The following KMT2C variants were observed in gnomAD, a reference collection of about 807,000 sequenced individuals.
The protein encoded by KMT2C is histone-lysine N-methyltransferase 2C.
Under a neutral mutation model 507.9 loss-of-function variants are expected in KMT2C, and 88 were observed. The ratio of observed to expected loss-of-function variants is 0.17; its 90% confidence interval spans 0.15 to 0.21. The LOEUF (loss-of-function observed/expected upper bound fraction) is 0.21. KMT2C is among the 10% of genes least tolerant of loss of function. The probability of loss-of-function intolerance (pLI) is 1.00; values close to 1 mark genes in which losing one functional copy is unlikely to be tolerated. For missense variants in KMT2C, 4,954 were observed against 5,957.8 expected (o/e 0.83, Z 5.55); for synonymous variants, 2,049 against 2,080.8 (o/e 0.98, Z 0.42).
chr7:152,208,485 T>C (rs1331235826), intron 23 of KMT2C, among the ~76,000 whole-genome samples: 1 of 152,208 alleles, frequency 6.6e-6, no homozygotes, highest in Non-Finnish European at 1.5e-5. Flanking sequence ...ATATTCTCCA[T>C]GAGAACAGGT....
rs1398617617 is a variant in KMT2C, at chr7:152,435,764, C to G, written c.23G>C (p.Ser8Thr). MSSEEDK[S>T]VEQPQPPPPP... Reference sequence around the variant, plus strand: ...TGGCGGCGGCTGCGGCTGCTCCACGCTCTTGTCCTCCTCCGACGACATCCT... The same window carrying G: ...TGGCGGCGGCTGCGGCTGCTCCACGGTCTTGTCCTCCTCCGACGACATCCT... Residue 8 changes from serine (S) to threonine (T), a missense_variant, in exon 1 of 59, where the codon AGC becomes ACC. By Grantham distance (58) the Ser-to-Thr change is moderately conservative. This residue lies in a region of KMT2C where 51 missense variants were observed against 43.5 expected (regional missense o/e 1.17). Transcript: ENST00000262189. The G allele has an allele frequency of 2.7e-6, 4 of 1,476,106 alleles. No homozygotes were observed. The African/African-American group carries it at 5.9e-5, about 22-fold the overall frequency. 91.4% of individuals were successfully genotyped at this position (1,476,106 alleles called of 1,614,324 possible). A position where few individuals can be genotyped will look rare whatever the true frequency, so the allele number is the denominator to read the frequency against.
chr7:152,210,466 C>T (rs1029262190), intron 23 of KMT2C, among the ~76,000 whole-genome samples: 4 of 152,154 alleles, frequency 2.6e-5, no homozygotes, highest in African/African-American at 9.7e-5. Flanking sequence ...GTCCAACCTG[C>T]AGCCAAGATG....
At chr7:152,376,761 T>A (rs568686538) in intron 1 of KMT2C, among the ~76,000 whole-genome samples, 208 of 152,392 alleles carry the variant, frequency 1.4e-3, no homozygotes, top group African/African-American at 4.8e-3. Context: ...TGTAGCAAGT[T>A]ATCTAGAATA....
intron 15 of KMT2C, among the ~76,000 whole-genome samples, chr7:152,237,533 C>A (rs2095301851): frequency 2.0e-5 from 3 of 152,112 alleles, no homozygotes; most frequent in African/African-American, 2.4e-5. Context: ...AGTCTCGCTT[C>A]TTTGCCCAGG....
chr7:152,220,757 G>T, intron 22 of KMT2C, 22 bp from the exon 23 acceptor site: 2 of 1,548,640 alleles, frequency 1.3e-6, no homozygotes, highest in Non-Finnish European at 1.8e-6. Context: ...AAATCCCAAG[G>T]ATACAAATTT....
chr7:152,306,213 A>T (rs994132717), intron 6 of KMT2C, among the ~76,000 whole-genome samples: 2 of 152,038 alleles, frequency 1.3e-5, no homozygotes, highest in Non-Finnish European at 2.9e-5. Context: ...GAATTTTACT[A>T]TTCCTTTTTG....
At chr7:152,356,613 C>T (rs893205824) in intron 2 of KMT2C, among the ~76,000 whole-genome samples, 23 of 149,400 alleles carry the variant, frequency 1.5e-4, no homozygotes, top group East Asian at 1.0e-3. Flanking sequence ...TAATCAGGCA[C>T]GGCGCGGTGA....
At chr7:152,375,377 T>A (rs912524102) in intron 1 of KMT2C, among the ~76,000 whole-genome samples, 4 of 151,736 alleles carry the variant, frequency 2.6e-5, no homozygotes, top group African/African-American at 9.7e-5. Context: ...TTTGTCAACC[T>A]TGCACTGAAC....
At chr7:152,297,696 A>G (rs78717543) in intron 6 of KMT2C, among the ~76,000 whole-genome samples, 4,411 of 152,318 alleles carry the variant, frequency 0.029, 90 homozygotes, top group South Asian at 0.071. Context: ...GAAACGGTTT[A>G]TAAGTAACTC....
chr7:152,331,584 A>G lies in KMT2C; in HGVS notation c.251-845T>C, dbSNP rs143012414. Among the ~76,000 whole-genome samples the G allele has an allele frequency of 3.6e-3, 542 of 150,934 alleles. 3 individuals are homozygous for G. The highest frequency in any genetic ancestry group is 0.013 in the African/African-American group (520 of 41,014). Reference sequence around the variant, plus strand: ...TGATGGCACCACTGGACTCCAGCCTAAGCAACACATCTAGATCCTACCTCA... The same window carrying G: ...TGATGGCACCACTGGACTCCAGCCTGAGCAACACATCTAGATCCTACCTCA... On this transcript the variant is annotated intron_variant, in intron 2 of 58. Transcript: ENST00000262189.
intron 1 of KMT2C, among the ~76,000 whole-genome samples, chr7:152,425,923 T>C (rs965601262): frequency 6.6e-6 from 1 of 152,108 alleles, no homozygotes; most frequent in South Asian, 2.1e-4. Context: ...CAAGTCTCAC[T>C]GAGGGAGGCC....
chr7:152,345,991 C>G (rs191079362), intron 2 of KMT2C, among the ~76,000 whole-genome samples: 147 of 152,182 alleles, frequency 9.7e-4, no homozygotes, highest in African/African-American at 3.3e-3. Context: ...TTTCAGACAG[C>G]TCAGATGTCA....
chr7:152,359,859 G>A (rs2097181356), intron 1 of KMT2C, among the ~76,000 whole-genome samples: 1 of 151,738 alleles, frequency 6.6e-6, no homozygotes, highest in African/African-American at 2.4e-5. Context: ...GAACAGCCTG[G>A]CCAACATGGT....
rs1366982633 is a variant in KMT2C at position 152,154,037 on chromosome 7, T to G, written c.12249A>C (p.Ala4083=). 6.2e-7 allele frequency: 1 copy of G among 1,614,122 alleles called. No homozygotes were observed. The highest frequency in any genetic ancestry group is 8.5e-7 in the Non-Finnish European group (1 of 1,179,994). ...CAGCAGCTGTAGGATGCAGAGTAAT[T>G]GCTACAGATATAAGACCTGATCTGG... ...NGPRSGLISV[A]ITLHPTAAEN... is the part of the protein sequence containing the mutation. Residue 4083 remains alanine, a synonymous_variant, in exon 48 of 59, where the codon GCA becomes GCC. Transcript: ENST00000262189.
rs1450779561 is a variant in KMT2C at position 152,220,821 on chromosome 7, G to A, written c.3500-86C>T. On this transcript the variant is annotated intron_variant, in intron 22 of 58. Transcript: ENST00000262189. Reference sequence around the variant, plus strand: ...CTGTTCCAAAATACCCATGTCAAGGGAATGTGACTGTAGTTCTAGAAAGCA... The same window carrying A: ...CTGTTCCAAAATACCCATGTCAAGGAAATGTGACTGTAGTTCTAGAAAGCA... 3.7e-5 allele frequency: 34 copies of A among 929,696 alleles called. No individual in the cohort carries two copies. In the East Asian group the frequency reaches 8.6e-4, roughly 23 times the overall value. 57.6% of individuals were successfully genotyped at this position (929,696 alleles called of 1,614,324 possible). A position where few individuals can be genotyped will look rare whatever the true frequency, so the allele number is the denominator to read the frequency against.
chr7:152,197,267 C>G (rs899069348), intron 27 of KMT2C, among the ~76,000 whole-genome samples: 2 of 152,136 alleles, frequency 1.3e-5, no homozygotes, highest in Non-Finnish European at 1.5e-5. Flanking sequence ...GAGGATTCTA[C>G]GGGTTTGGGC....
At chr7:152,147,798 G>A (rs1407820783) in intron 52 of KMT2C, among the ~76,000 whole-genome samples, 2 of 151,838 alleles carry the variant, frequency 1.3e-5, no homozygotes, top group Non-Finnish European at 2.9e-5. Flanking sequence ...ATCATTCTCG[G>A]ATTTACCTCA....
intron 6 of KMT2C, among the ~76,000 whole-genome samples, chr7:152,305,220 T>C (rs781275920): frequency 3.9e-5 from 6 of 152,132 alleles, no homozygotes; most frequent in Non-Finnish European, 7.3e-5. Flanking sequence ...AGTAAGATTA[T>C]TACGTGAATA....
intron 1 of KMT2C, among the ~76,000 whole-genome samples, chr7:152,392,604 A>G (rs1363548406): frequency 3.9e-5 from 6 of 152,228 alleles, no homozygotes; most frequent in South Asian, 2.1e-4. Context: ...GAACTTGCCT[A>G]AAGTCACATC....
Sources: gnomAD v4.1 joint callset for allele counts (sites outside exome capture counted in the v4.1 genomes callset) on GRCh38, gnomAD v4.1.1 for gene constraint, gnomAD v4.1.1 regional missense constraint, MANE v1.5 for transcripts, NCBI Gene and HGNC (gene_info 2026-07-23, HGNC 2026-07-21) for gene names.